Variants in PTPRO observed in about 807,000 individuals in gnomAD.
PTPRO encodes protein tyrosine phosphatase receptor type O, also known as receptor-type tyrosine-protein phosphatase O.
A neutral mutation model predicts 145.2 loss-of-function variants in PTPRO; 62 were observed. The ratio of observed to expected loss-of-function variants is 0.43; its 90% CI spans 0.35 to 0.53. The LOEUF is 0.53. PTPRO is among the 20% of genes least tolerant of loss of function. PTPRO has a pLI of 0.01. For synonymous variants in PTPRO, 565 were observed against 514.7 expected (o/e 1.10, Z -1.32); for missense variants, 1,345 against 1,482.7 (o/e 0.91, Z 1.53).
intron 9 of PTPRO, among the ~76,000 whole-genome samples, chr12:15,519,509 T>A (rs1412406008): frequency 2.6e-5 from 4 of 152,174 alleles, no homozygotes; most frequent in Non-Finnish European, 5.9e-5. Context: ...TAATCAACAT[T>A]TTTTCCTAAG....
intron 1 of PTPRO, among the ~76,000 whole-genome samples, chr12:15,408,808 A>T (rs943955068): frequency 6.6e-6 from 1 of 152,204 alleles, no homozygotes; most frequent in East Asian, 1.9e-4. Flanking sequence ...CCATTTTAAA[A>T]GTGATATATA....
chr12:15,430,531 C>T (rs1428992361), intron 1 of PTPRO, among the ~76,000 whole-genome samples: 1 of 152,044 alleles, frequency 6.6e-6, no homozygotes, highest in African/African-American at 2.4e-5. Flanking sequence ...TGGTGGTAGT[C>T]ATGATGGTGG....
chr12:15,554,051 G>A (rs965455980), intron 15 of PTPRO, among the ~76,000 whole-genome samples: 12 of 152,146 alleles, frequency 7.9e-5, no homozygotes, highest in Admixed American at 2.0e-4. Context: ...AAAATTAGCT[G>A]GGCGTGGTGG....
At chr12:15,590,678 A>G (rs1222111415) in intron 25 of PTPRO, among the ~76,000 whole-genome samples, 1 of 152,186 alleles carries the variant, frequency 6.6e-6, no homozygotes, top group Non-Finnish European at 1.5e-5. Flanking sequence ...TCATTTCTGA[A>G]CTACAGCAGG....
At chr12:15,499,136 A>G (rs1942166625) in intron 3 of PTPRO, among the ~76,000 whole-genome samples, 1 of 152,148 alleles carries the variant, frequency 6.6e-6, no homozygotes, top group Non-Finnish European at 1.5e-5. Context: ...TGTAAACTTA[A>G]CCTCTACAAT....
intron 1 of PTPRO, among the ~76,000 whole-genome samples, chr12:15,354,970 C>T (rs1400162205): frequency 3.9e-5 from 6 of 152,116 alleles, no homozygotes; most frequent in Non-Finnish European, 8.8e-5. Flanking sequence ...TTCTGCATTT[C>T]CCCCCAATAC....
At chr12:15,324,580 A>G (rs972954063) in intron 1 of PTPRO, among the ~76,000 whole-genome samples, 6 of 152,224 alleles carry the variant, frequency 3.9e-5, no homozygotes, top group Admixed American at 3.9e-4. Context: ...TAGTAAATAC[A>G]TTGGCAAAGT....
At chr12:15,496,143 T>C (rs1227520080) in intron 2 of PTPRO, among the ~76,000 whole-genome samples, 1 of 1,134 alleles carries the variant, frequency 8.8e-4, no homozygotes, top group Non-Finnish European at 1.5e-3. Context: ...TCTTTTTTTG[T>C]TTTTTTTTTT....
chr12:15,401,887 T>C (rs903572262), intron 1 of PTPRO, among the ~76,000 whole-genome samples: 1 of 152,228 alleles, frequency 6.6e-6, no homozygotes, highest in African/African-American at 2.4e-5. Context: ...TTGCATCTCA[T>C]CATTTCATTG....
intron 1 of PTPRO, among the ~76,000 whole-genome samples, chr12:15,353,105 A>G (rs1937863712): frequency 6.6e-6 from 1 of 152,192 alleles, no homozygotes; most frequent in African/African-American, 2.4e-5. Flanking sequence ...CTGATTTTCC[A>G]GACATTCACC....
At chr12:15,360,897 T>TAC (rs1265765771) in intron 1 of PTPRO, among the ~76,000 whole-genome samples, 2 of 141,100 alleles carry the variant, frequency 1.4e-5, no homozygotes, top group African/African-American at 5.3e-5. Context: ...CATGTGTATA[T>TAC]ACACACACAT....
chr12:15,392,620 C>T (rs1019765098), intron 1 of PTPRO, among the ~76,000 whole-genome samples: 1 of 146,698 alleles, frequency 6.8e-6, no homozygotes, highest in Non-Finnish European at 1.5e-5. Flanking sequence ...ACTTGGGAGG[C>T]TGAGGTGGGA....
At chr12:15,360,759 T>C (rs1477407485) in intron 1 of PTPRO, among the ~76,000 whole-genome samples, 3 of 147,790 alleles carry the variant, frequency 2.0e-5, no homozygotes, top group Non-Finnish European at 4.5e-5. Flanking sequence ...TGTGTGTATA[T>C]GTGTGTATAT....
chr12:15,487,091 C>T (rs253853), intron 2 of PTPRO, among the ~76,000 whole-genome samples: 3,012 of 152,112 alleles, frequency 0.02, 113 homozygotes, highest in East Asian at 0.14. Flanking sequence ...CAGAAGAGCT[C>T]CCCCAGCAAT....
At chr12:15,422,823 A>G (rs1316087970) in intron 1 of PTPRO, among the ~76,000 whole-genome samples, 1 of 152,218 alleles carries the variant, frequency 6.6e-6, no homozygotes, top group African/African-American at 2.4e-5. Flanking sequence ...GGAAGCACAA[A>G]GCACTGAGTA....
chr12:15,354,285 A>G (rs1937909372), intron 1 of PTPRO, among the ~76,000 whole-genome samples: 1 of 152,216 alleles, frequency 6.6e-6, no homozygotes, highest in Admixed American at 6.5e-5. Context: ...TTTATAAAGC[A>G]TCAGTGATTT....
intron 10 of PTPRO, among the ~76,000 whole-genome samples, chr12:15,521,107 C>G (rs867213036): frequency 6.6e-6 from 1 of 151,792 alleles, no homozygotes; most frequent in Non-Finnish European, 1.5e-5. Flanking sequence ...TTTTATCGAA[C>G]GACAAGGTTG....
intron 1 of PTPRO, among the ~76,000 whole-genome samples, chr12:15,408,264 C>T (rs898384762): frequency 2.0e-4 from 30 of 151,824 alleles, no homozygotes; most frequent in African/African-American, 6.5e-4. Context: ...GTCATTTTTC[C>T]TTTATACTCT....
chr12:15,335,814 T>C (rs2136206957), intron 1 of PTPRO, among the ~76,000 whole-genome samples: 1 of 152,266 alleles, frequency 6.6e-6, no homozygotes, highest in South Asian at 2.1e-4. Flanking sequence ...CTTTAAACCC[T>C]TTTTCCATCT....
Sources: gnomAD v4.1 joint callset for allele counts (sites outside exome capture counted in the v4.1 genomes callset) on GRCh38, gnomAD v4.1.1 for gene constraint, MANE v1.5 for transcripts, NCBI Gene and HGNC (gene_info 2026-07-23, HGNC 2026-07-21) for gene names.